The following DCLK3 variants were observed in gnomAD, a reference collection of about 807,000 sequenced individuals.
The protein encoded by DCLK3 is serine/threonine-protein kinase DCLK3.
A neutral mutation model predicts 46.4 loss-of-function variants in DCLK3; 30 were observed. The ratio of observed to expected loss-of-function variants is 0.65; its 90% CI spans 0.48 to 0.88. The LOEUF is 0.88. DCLK3 is among the 40% of genes least tolerant of loss of function. DCLK3 has a pLI of 0.00. For missense variants in DCLK3, 846 were observed against 907.1 expected (o/e 0.93, Z 0.87); for synonymous variants, 401 against 339.2 (o/e 1.18, Z -2.00).
At chr3:36,745,267 C>T (rs1423229009) in intron 1 of DCLK3, among the ~76,000 whole-genome samples, 1 of 152,126 alleles carries the variant, frequency 6.6e-6, no homozygotes, top group African/African-American at 2.4e-5. Flanking sequence ...AAATAACTCA[C>T]GTGTCTAATT....
chr3:36,759,941 G>A (rs1014684811), intron 1 of DCLK3, among the ~76,000 whole-genome samples: 112 of 152,158 alleles, frequency 7.4e-4, no homozygotes, highest in African/African-American at 2.5e-3. Flanking sequence ...CCCACTCCCC[G>A]CAATCACACT....
At chr3:36,731,221 A>G (rs1701194384) in intron 2 of DCLK3, among the ~76,000 whole-genome samples, 1 of 152,068 alleles carries the variant, frequency 6.6e-6, no homozygotes, top group Non-Finnish European at 1.5e-5. Flanking sequence ...ATTTCACAGT[A>G]CACTTTACTT....
intron 2 of DCLK3, among the ~76,000 whole-genome samples, chr3:36,736,757 C>G (rs57743676): frequency 6.6e-6 from 1 of 152,288 alleles, no homozygotes; most frequent in African/African-American, 2.4e-5. Flanking sequence ...TTACACAGAC[C>G]CTTACAGTGC....
At chr3:36,716,649 G>A (rs889710098) in intron 4 of DCLK3, among the ~76,000 whole-genome samples, 1 of 152,274 alleles carries the variant, frequency 6.6e-6, no homozygotes, top group African/African-American at 2.4e-5. Flanking sequence ...ATAGTGGGAA[G>A]AGGCTGGAAA....
At chr3:36,759,987 T>C (rs980598159) in intron 1 of DCLK3, among the ~76,000 whole-genome samples, 22 of 152,220 alleles carry the variant, frequency 1.4e-4, no homozygotes, top group African/African-American at 5.3e-4. Context: ...GGCTTATTCA[T>C]CTCTACATCC....
Position 36,764,535 on chromosome 3 carries a change from T to C in DCLK3, c.-272A>G, listed in dbSNP as rs576734609. Among the ~76,000 whole-genome samples the C allele has an allele frequency of 1.3e-5, 2 of 152,106 alleles. No individual in the cohort carries two copies. The highest frequency in any genetic ancestry group is 4.1e-4 in the South Asian group (2 of 4,820). Reference sequence around the variant, plus strand: ...CGCCCTCTCTGCGCCGGTCCCGCCATGCGCGCCGCTCCTGGCCCTGGAGGC... The same window carrying C: ...CGCCCTCTCTGCGCCGGTCCCGCCACGCGCGCCGCTCCTGGCCCTGGAGGC... On this transcript the variant is annotated 5_prime_UTR_variant, in exon 1 of 5. It removes an upstream start codon present in the reference 5' UTR. Transcript: ENST00000636136. The surrounding 1 kb of genome is among the most constrained non-coding windows in gnomAD (Gnocchi z 4.9).
intron 1 of DCLK3, among the ~76,000 whole-genome samples, chr3:36,739,612 CA>C (rs1288990303): frequency 6.6e-6 from 1 of 152,212 alleles, no homozygotes; most frequent in Non-Finnish European, 1.5e-5. Flanking sequence ...TGCCTTCCGC[CA>C]TGATTGTGAG....
chr3:36,716,604 C>CCCT (rs1306355836), intron 4 of DCLK3, among the ~76,000 whole-genome samples: 1 of 152,238 alleles, frequency 6.6e-6, no homozygotes, highest in African/African-American at 2.4e-5. Flanking sequence ...TCTGTCTAAC[C>CCCT]CCTCCAGATG....
rs1347565018 is a variant in DCLK3, at chr3:36,713,920, G to C, written c.*1408C>G. ...AGGGAGCTGAAAGGTGTCTCTTCCA[G>C]TGGAGGGTAATTCCTGTAGAGGGCT... On this transcript the variant is annotated 3_prime_UTR_variant, in exon 5 of 5. Transcript: ENST00000636136. 1 of 152,322 alleles carries C rather than the reference G, an allele frequency of 6.6e-6. No individual in the cohort carries two copies. Among genetic ancestry groups the C allele is most frequent in the African/African-American group, 2.4e-5 (1 of 41,454 alleles). The allele number at this position is 152,322 out of a possible 1,614,324, so 9.4% of individuals were successfully genotyped here. A position where few individuals can be genotyped will look rare whatever the true frequency, so the allele number is the denominator to read the frequency against.
In DCLK3 at chr3:36,738,339, CT is replaced by C; in HGVS notation, c.827del (p.Lys276SerfsTer72). On this transcript the variant is annotated frameshift_variant, in exon 2 of 5. Transcript: ENST00000636136. LOFTEE classifies it high-confidence loss of function. ...RGKWEPEPSS[K>X]PPREATLEER... is the part of the protein sequence containing the mutation. ...CTTCCAGAGTGGCTTCCCTGGGGGG[CT>C]TGCTACTGGGTTCTGGCTCCCATTT... 6.6e-7 allele frequency: 1 copy of C among 1,507,824 alleles called. No individual in the cohort carries two copies. Among genetic ancestry groups the C allele is most frequent in the Non-Finnish European group, 8.8e-7 (1 of 1,131,272 alleles). The allele number at this position is 1,507,824 out of a possible 1,614,324, so 93.4% of individuals were successfully genotyped here. A position where few individuals can be genotyped will look rare whatever the true frequency, so the allele number is the denominator to read the frequency against.
At chr3:36,745,802 G>A (rs1692457933) in intron 1 of DCLK3, among the ~76,000 whole-genome samples, 1 of 152,154 alleles carries the variant, frequency 6.6e-6, no homozygotes. Flanking sequence ...GCAGAGATGA[G>A]GCAGGAGAAA....
In DCLK3 at chr3:36,762,942, CT is replaced by C. The variant is rs890464014; in HGVS notation, c.82+1239del. Reference sequence around the variant, plus strand: ...TGTGAGGCAAACCCAATACTCTTTTCTTTTTTTTTTTCTTCCTGAGGGTCTT... The same window carrying C: ...TGTGAGGCAAACCCAATACTCTTTTCTTTTTTTTTTCTTCCTGAGGGTCTT... On this transcript the variant is annotated intron_variant, in intron 1 of 4. Transcript: ENST00000636136. Among the ~76,000 whole-genome samples, 41 of 147,796 alleles carry C rather than the reference CT, an allele frequency of 2.8e-4. No homozygotes were observed. In the Middle Eastern group the frequency reaches 0.01, roughly 37 times the overall value.
At chr3:36,748,583 A>T (rs1399526433) in intron 1 of DCLK3, among the ~76,000 whole-genome samples, 1 of 152,148 alleles carries the variant, frequency 6.6e-6, no homozygotes, top group East Asian at 1.9e-4. Flanking sequence ...GCCACAGTGC[A>T]CATGAGCACA....
chr3:36,730,205 C>T (rs1218911208), intron 2 of DCLK3, among the ~76,000 whole-genome samples: 2 of 150,928 alleles, frequency 1.3e-5, no homozygotes, highest in African/African-American at 4.9e-5. Context: ...CACACACACA[C>T]ACACACACAC....
At chr3:36,718,442 A>G (rs557693183) in intron 3 of DCLK3, among the ~76,000 whole-genome samples, 1 of 152,320 alleles carries the variant, frequency 6.6e-6, no homozygotes, top group East Asian at 1.9e-4. Flanking sequence ...ATGAGCAGAG[A>G]AATTGAAAGC....
At chr3:36,759,369 C>G (rs977863625) in intron 1 of DCLK3, among the ~76,000 whole-genome samples, 4 of 152,224 alleles carry the variant, frequency 2.6e-5, no homozygotes, top group Non-Finnish European at 5.9e-5. Flanking sequence ...GAGAGACACT[C>G]TCCCTCTATC....
chr3:36,722,568 C>T (rs1042014505), intron 2 of DCLK3, among the ~76,000 whole-genome samples: 5 of 152,220 alleles, frequency 3.3e-5, no homozygotes, highest in Non-Finnish European at 5.9e-5. Flanking sequence ...GTAACTCCCA[C>T]AATTCCCACA....
At chr3:36,728,739 C>G (rs972503979) in intron 2 of DCLK3, among the ~76,000 whole-genome samples, 1 of 152,154 alleles carries the variant, frequency 6.6e-6, no homozygotes, top group Non-Finnish European at 1.5e-5. Flanking sequence ...TGAGCCAAGT[C>G]CCCTAATAAA....
chr3:36,717,987 T>C, intron 4 of DCLK3, 23 bp downstream of exon 4: 2 of 1,613,804 alleles, frequency 1.2e-6, no homozygotes, highest in South Asian at 1.1e-5. Flanking sequence ...TCCTCTGCTG[T>C]GTGAGGAAGC....
Sources: allele counts gnomAD v4.1 joint callset (sites outside exome capture counted in the v4.1 genomes callset), GRCh38; gene constraint gnomAD v4.1.1; non-coding constraint Gnocchi (gnomAD v3.1); transcripts MANE v1.5; gene names NCBI Gene and HGNC (gene_info 2026-07-23, HGNC 2026-07-21).